PLCB1: variants seen among roughly 807,000 people sequenced by gnomAD.
The protein encoded by PLCB1 is 1-phosphatidylinositol 4,5-bisphosphate phosphodiesterase beta-1.
PLCB1 carries 46 observed loss-of-function variants against 161.8 expected under a neutral mutation model. The observed-to-expected ratio is 0.28, with a 90% CI of 0.22 to 0.36. The LOEUF (loss-of-function observed/expected upper bound fraction) is 0.36, where lower values mean the gene tolerates loss of function less well. PLCB1 is among the 10% of genes least tolerant of loss of function. The pLI, the probability that PLCB1 is intolerant of heterozygous loss-of-function variation, is 1.00. For missense variants in PLCB1, 1,016 were observed against 1,472.5 expected, an observed-to-expected ratio of 0.69 and a Z score of 5.07; for synonymous variants, 517 against 503.7, an observed-to-expected ratio of 1.03 and a Z score of -0.35.
chr20:8,726,592 C>G (rs1979948579), intron 16 of PLCB1, among the ~76,000 whole-genome samples: 1 of 151,988 alleles, frequency 6.6e-6, no homozygotes, highest in Non-Finnish European at 1.5e-5. Flanking sequence ...CTTATAAAAC[C>G]ATCAGCTCTC....
At chr20:8,699,233 TA>T (rs1442474091) in intron 11 of PLCB1, among the ~76,000 whole-genome samples, 1 of 152,164 alleles carries the variant, frequency 6.6e-6, no homozygotes, top group Non-Finnish European at 1.5e-5. Context: ...CACTAACTCT[TA>T]TCTGAAGCAA....
At position 8,694,197 on chromosome 20, in the gene PLCB1, A is replaced by T. The variant is rs149087059; in HGVS notation, c.1010-3429A>T. Among the ~76,000 whole-genome samples, 4 of 152,340 alleles carry T rather than the reference A, an allele frequency of 2.6e-5. No individual in the cohort carries two copies. In the East Asian group the frequency reaches 7.7e-4, roughly 29 times the overall value. On this transcript the variant is annotated intron_variant, in intron 10 of 31. Coordinates refer to ENST00000338037, the MANE Select transcript of PLCB1 (RefSeq NM_015192.4). The stretch of plus-strand genomic sequence containing the variant: ...AGAGAGTAACAGAGAATATGAATAC[A>T]TGTGTTTGAAAAATATTTCCATAAA...
intron 9 of PLCB1, among the ~76,000 whole-genome samples, chr20:8,659,991 C>CAAAAAA (rs11482818): frequency 9.1e-6 from 1 of 109,870 alleles, no homozygotes; most frequent in Non-Finnish European, 1.9e-5. Context: ...GACTCTGTCT[C>CAAAAAA]AAAAAAAAAA....
At chr20:8,862,657 T>G (rs1321344830) in intron 31 of PLCB1, among the ~76,000 whole-genome samples, 1 of 152,192 alleles carries the variant, frequency 6.6e-6, no homozygotes, top group South Asian at 2.1e-4. Flanking sequence ...ATGATAGATC[T>G]CCAGCCCAAA....
At chr20:8,186,872 A>G (rs1023364365) in intron 2 of PLCB1, among the ~76,000 whole-genome samples, 7 of 152,138 alleles carry the variant, frequency 4.6e-5, no homozygotes, top group African/African-American at 1.4e-4. Context: ...AAGGAGCATC[A>G]AAGTTCACAG....
At chr20:8,316,901 T>G (rs1457587323) in intron 2 of PLCB1, among the ~76,000 whole-genome samples, 6 of 152,106 alleles carry the variant, frequency 3.9e-5, no homozygotes, top group Admixed American at 3.9e-4. Context: ...CATAAAAAAT[T>G]TATTTATTTA....
At chr20:8,725,598 A>G (rs1260603144) in intron 16 of PLCB1, among the ~76,000 whole-genome samples, 1 of 152,176 alleles carries the variant, frequency 6.6e-6, no homozygotes, top group African/African-American at 2.4e-5. Flanking sequence ...TCTACAACAA[A>G]GAATTCAACT....
intron 2 of PLCB1, among the ~76,000 whole-genome samples, chr20:8,191,722 C>T (rs1250019703): frequency 2.0e-5 from 3 of 151,904 alleles, no homozygotes; most frequent in African/African-American, 7.2e-5. Flanking sequence ...TTATTTAAGT[C>T]ATGTATTAAG....
chr20:8,257,965 C>T lies in PLCB1; in HGVS notation c.177+107594C>T, dbSNP rs57292788. Among the ~76,000 whole-genome samples the T allele has an allele frequency of 7.9e-3, 1,196 of 152,122 alleles. 17 individuals are homozygous for T. The highest frequency in any genetic ancestry group is 0.027 in the African/African-American group (1,121 of 41,494). ...GGTCATTCAGAATGTCCATGAGACT[C>T]GTTTATTTTTAAGGTGATTTCTAAT... is the stretch of plus-strand genomic sequence containing the variant. On this transcript the variant is annotated intron_variant, in intron 2 of 31. Coordinates refer to ENST00000338037, the MANE Select transcript of PLCB1 (RefSeq NM_015192.4).
At chr20:8,363,848 C>T (rs556753639) in intron 2 of PLCB1, among the ~76,000 whole-genome samples, 5 of 152,228 alleles carry the variant, frequency 3.3e-5, no homozygotes, top group African/African-American at 1.2e-4. Context: ...TGTTAGTTTT[C>T]TCATCTGCAA....
intron 9 of PLCB1, among the ~76,000 whole-genome samples, chr20:8,684,226 T>C (rs1373535995): frequency 7.5e-6 from 1 of 132,900 alleles, no homozygotes; most frequent in Non-Finnish European, 1.6e-5. Context: ...AAACCACTTG[T>C]AAATTATTTA....
chr20:8,185,099 T>G (rs996626659), intron 2 of PLCB1, among the ~76,000 whole-genome samples: 2 of 152,136 alleles, frequency 1.3e-5, no homozygotes, highest in African/African-American at 4.8e-5. Flanking sequence ...GCTTCATCCA[T>G]GTCCCTGCAA....
intron 2 of PLCB1, among the ~76,000 whole-genome samples, chr20:8,215,334 A>AT (rs1161415931): frequency 6.6e-6 from 1 of 152,040 alleles, no homozygotes; most frequent in African/African-American, 2.4e-5. Flanking sequence ...GAAAAAAAAA[A>AT]GTTCAAACAG....
At chr20:8,155,682 G>A (rs2051551808) in intron 2 of PLCB1, among the ~76,000 whole-genome samples, 1 of 152,128 alleles carries the variant, frequency 6.6e-6, no homozygotes, top group Admixed American at 6.6e-5. Context: ...TTTGGGATAT[G>A]CTTCTCTAGG....
intron 2 of PLCB1, among the ~76,000 whole-genome samples, chr20:8,151,966 A>G (rs912620656): frequency 7.2e-5 from 11 of 152,166 alleles, no homozygotes; most frequent in Admixed American, 3.9e-4. Context: ...TCTTTGTTGC[A>G]TTTCTGTTGT....
intron 3 of PLCB1, among the ~76,000 whole-genome samples, chr20:8,572,793 TGGG>T (rs2123055144): frequency 6.6e-6 from 1 of 152,284 alleles, no homozygotes; most frequent in East Asian, 1.9e-4. Context: ...TTCTGAGTAC[TGGG>T]CCCTGTGTGA....
intron 2 of PLCB1, among the ~76,000 whole-genome samples, chr20:8,294,480 A>G (rs538411008): frequency 6.6e-6 from 1 of 151,970 alleles, no homozygotes; most frequent in African/African-American, 2.4e-5. Flanking sequence ...ATATATATAC[A>G]CATACTTACA....
intron 3 of PLCB1, among the ~76,000 whole-genome samples, chr20:8,516,038 C>A (rs1984095415): frequency 6.6e-6 from 1 of 152,154 alleles, no homozygotes; most frequent in Admixed American, 6.5e-5. Flanking sequence ...GGGGAACTTC[C>A]CATTGTAAAA....
intron 23 of PLCB1, among the ~76,000 whole-genome samples, chr20:8,756,165 A>G (rs943031220): frequency 2.6e-5 from 4 of 152,198 alleles, no homozygotes; most frequent in Non-Finnish European, 4.4e-5. Context: ...ATTATTTAAC[A>G]TCCACATATT....
Sources: allele counts gnomAD v4.1 joint callset (sites outside exome capture counted in the v4.1 genomes callset), GRCh38; gene constraint gnomAD v4.1.1; transcripts MANE v1.5; gene names NCBI Gene and HGNC (gene_info 2026-07-23, HGNC 2026-07-21).